EYA1: variants seen among roughly 807,000 people sequenced by gnomAD.
The protein encoded by EYA1 is protein phosphatase EYA1.
Under a neutral mutation model 82.0 loss-of-function variants are expected in EYA1, and 16 were observed. The observed-to-expected ratio is 0.20, with a 90% CI of 0.13 to 0.30. EYA1 has a LOEUF of 0.30. EYA1 is among the 10% of genes least tolerant of loss of function. EYA1 has a pLI of 1.00. For missense variants in EYA1, 633 were observed against 730.7 expected (o/e 0.87, Z 1.54); for synonymous variants, 261 against 264.4 (o/e 0.99, Z 0.12).
At chr8:71,412,568 G>C (rs1414864456) in intron 2 of EYA1, among the ~76,000 whole-genome samples, 6 of 152,140 alleles carry the variant, frequency 3.9e-5, no homozygotes, top group Non-Finnish European at 8.8e-5. Context: ...TTGCTCCAAA[G>C]TAATACGGGA....
chr8:71,267,570 A>G (rs748151257), intron 11 of EYA1, among the ~76,000 whole-genome samples: 8 of 152,122 alleles, frequency 5.3e-5, no homozygotes, highest in Non-Finnish European at 8.8e-5. Flanking sequence ...TTTTTTTGAG[A>G]TGGAGTCTTG....
intron 7 of EYA1, among the ~76,000 whole-genome samples, chr8:71,305,885 C>T (rs1173337914): frequency 6.6e-6 from 1 of 152,012 alleles, no homozygotes; most frequent in Non-Finnish European, 1.5e-5. Context: ...CACGCATACG[C>T]ACACACACAC....
intron 2 of EYA1, among the ~76,000 whole-genome samples, chr8:71,425,523 A>G (rs1805152597): frequency 6.6e-6 from 1 of 152,146 alleles, no homozygotes; most frequent in Admixed American, 6.5e-5. Context: ...CATCCCTTCC[A>G]CAACACACAC....
intron 12 of EYA1, among the ~76,000 whole-genome samples, chr8:71,230,224 C>A (rs1215998958): frequency 6.6e-6 from 1 of 152,110 alleles, no homozygotes; most frequent in Non-Finnish European, 1.5e-5. Flanking sequence ...CTCTACTAAG[C>A]AAACTTCCTA....
At chr8:71,462,718 G>GGGGGCCAGGGTCTGGAGCGGTAGA (rs1310260800) in intron 2 of EYA1, among the ~76,000 whole-genome samples, 1 of 152,200 alleles carries the variant, frequency 6.6e-6, no homozygotes, top group Non-Finnish European at 1.5e-5. Flanking sequence ...AGTGGCAACA[G>GGGGGCCAGGGTCTGGAGCGGTAGA]GGGGCCAGGG....
chr8:71,259,327 C>T, intron 11 of EYA1, among the ~76,000 whole-genome samples: 1 of 152,126 alleles, frequency 6.6e-6, no homozygotes, highest in East Asian at 1.9e-4. Context: ...CCAAGAGTCA[C>T]CTGTGGACAC....
chr8:71,237,613 T>C (rs557462299), intron 12 of EYA1, among the ~76,000 whole-genome samples: 20 of 152,286 alleles, frequency 1.3e-4, no homozygotes, highest in African/African-American at 4.6e-4. Flanking sequence ...ACAAATTCCA[T>C]AAACAATCAA....
chr8:71,448,025 T>TTTTTTTTTTTTTTTTTTGTTAACGGAG (rs935912194), intron 2 of EYA1, among the ~76,000 whole-genome samples: 1 of 116,736 alleles, frequency 8.6e-6, no homozygotes, highest in Non-Finnish European at 1.7e-5. Context: ...TTTTTTTTTT[T>TTTTTTTTTTTTTTTTTTGTTAACGGAG]TCTCGCTCCG....
chr8:71,308,649 G>A (rs1820990330), intron 7 of EYA1, among the ~76,000 whole-genome samples: 1 of 147,916 alleles, frequency 6.8e-6, no homozygotes, highest in Non-Finnish European at 1.5e-5. Flanking sequence ...TTAAATCAAA[G>A]TTCTGTGTAT....
intron 12 of EYA1, among the ~76,000 whole-genome samples, chr8:71,224,611 T>C (rs1393586324): frequency 2.0e-5 from 3 of 152,248 alleles, no homozygotes; most frequent in Non-Finnish European, 4.4e-5. Flanking sequence ...ACATGGGACA[T>C]GGGTAGTTCT....
At chr8:71,430,926 G>A (rs886625678) in intron 2 of EYA1, among the ~76,000 whole-genome samples, 2 of 151,728 alleles carry the variant, frequency 1.3e-5, no homozygotes, top group Non-Finnish European at 2.9e-5. Context: ...AACACTACAG[G>A]GCCTAAGAAC....
intron 3 of EYA1, among the ~76,000 whole-genome samples, chr8:71,354,012 T>C (rs1390706355): frequency 2.6e-5 from 4 of 152,128 alleles, no homozygotes; most frequent in African/African-American, 7.2e-5. Flanking sequence ...TATGTTGAAG[T>C]TCTAAAAATA....
chr8:71,346,212 T>C (rs1381059649), intron 3 of EYA1, among the ~76,000 whole-genome samples: 1 of 152,032 alleles, frequency 6.6e-6, no homozygotes, highest in Non-Finnish European at 1.5e-5. Context: ...GTCCTCCTCC[T>C]CTGTAGAATA....
intron 12 of EYA1, among the ~76,000 whole-genome samples, chr8:71,236,453 A>G (rs1278238625): frequency 1.3e-5 from 2 of 152,226 alleles, no homozygotes; most frequent in Non-Finnish European, 2.9e-5. Flanking sequence ...TACCTTCCCT[A>G]TATACAATAA....
chr8:71,230,177 T>TA (rs947203228), intron 12 of EYA1, among the ~76,000 whole-genome samples: 51 of 144,952 alleles, frequency 3.5e-4, no homozygotes, highest in South Asian at 8.7e-4. Flanking sequence ...CCTTAAAAAA[T>TA]AAAAAAAAAA....
chr8:71,387,258 C>G (rs1227502829), intron 2 of EYA1, among the ~76,000 whole-genome samples: 1 of 152,088 alleles, frequency 6.6e-6, no homozygotes, highest in Non-Finnish European at 1.5e-5. Context: ...CTCAGGTAAG[C>G]TGGGAATGAC....
chr8:71,468,005 G>A (rs1250441289), intron 2 of EYA1, among the ~76,000 whole-genome samples: 3 of 152,006 alleles, frequency 2.0e-5, no homozygotes, highest in Non-Finnish European at 4.4e-5. Flanking sequence ...GCTGCTCAAG[G>A]GCAAAGTCTT....
At chr8:71,219,771 G>C (rs6472573) in intron 12 of EYA1, among the ~76,000 whole-genome samples, 1 of 152,010 alleles carries the variant, frequency 6.6e-6, no homozygotes, top group African/African-American at 2.4e-5. Flanking sequence ...TGTAAGTCCA[G>C]CAGCTCTCAA....
intron 3 of EYA1, among the ~76,000 whole-genome samples, chr8:71,335,867 C>T (rs1297924667): frequency 6.6e-6 from 1 of 152,116 alleles, no homozygotes; most frequent in Non-Finnish European, 1.5e-5. Flanking sequence ...CTATTTCACT[C>T]TCTGCCAGAC....
Sources: gnomAD v4.1 joint callset for allele counts (sites outside exome capture counted in the v4.1 genomes callset) on GRCh38, gnomAD v4.1.1 for gene constraint, MANE v1.5 for transcripts, NCBI Gene and HGNC (gene_info 2026-07-23, HGNC 2026-07-21) for gene names.